The following SLC25A22 variants were observed in gnomAD, a reference collection of about 807,000 sequenced individuals.
SLC25A22 encodes the protein solute carrier family 25 member 22, also known as mitochondrial glutamate carrier 1.
In SLC25A22, 23 loss-of-function variants were observed where a neutral mutation model predicts 33.7. The observed-to-expected ratio is 0.68, with a 90% CI of 0.49 to 0.97. The LOEUF is 0.97. Ranked by LOEUF, SLC25A22 falls within the 50% of genes least tolerant of loss-of-function variation. The pLI is 0.00. For synonymous variants in SLC25A22, 245 were observed against 203.8 expected (o/e 1.20, Z -1.72); for missense variants, 390 against 451.1 (o/e 0.86, Z 1.23).
chr11:798,231 C>G lies in SLC25A22; in HGVS notation c.-178G>C. On this transcript the variant is annotated 5_prime_UTR_variant, in exon 1 of 10. Transcript: ENST00000628067. ...CAGACACTCACCACGCTCGCCGCCGCCGCCGCGCTCGCCTGCCCGCCCCGC... is the reference window on the plus strand; with the variant it reads ...CAGACACTCACCACGCTCGCCGCCGGCGCCGCGCTCGCCTGCCCGCCCCGC... 1 of 394,506 alleles carries G rather than the reference C, an allele frequency of 2.5e-6. No homozygotes were observed. Among genetic ancestry groups the G allele is most frequent in the Non-Finnish European group, 4.5e-6 (1 of 223,620 alleles). The allele number at this position is 394,506 out of a possible 1,614,324, so 24.4% of individuals were successfully genotyped here.
Position 792,543 on chromosome 11 carries a change from T to G in SLC25A22, c.587+10A>C, listed in dbSNP as rs1255403988. The G allele has an allele frequency of 1.9e-6, 3 of 1,612,124 alleles. No homozygotes were observed. ...CCCTTCCCTCCCCCCACCTGCCCTGTGCCTCCTACCTGAGCAGCGTGGCCC... is the reference window on the plus strand; with the variant it reads ...CCCTTCCCTCCCCCCACCTGCCCTGGGCCTCCTACCTGAGCAGCGTGGCCC... On this transcript the variant is annotated intron_variant, in intron 7 of 9. Coordinates refer to ENST00000628067, the MANE Select transcript of SLC25A22 (RefSeq NM_001191061.2).
At chr11:797,254 T>G (rs1590126371) in intron 1 of SLC25A22, among the ~76,000 whole-genome samples, 2 of 152,166 alleles carry the variant, frequency 1.3e-5, no homozygotes, top group South Asian at 4.2e-4. Context: ...GGAGAGGAGC[T>G]TCTGGGTGGA....
Position 792,146 on chromosome 11 carries a change from C to T in SLC25A22, c.814G>A (p.Ala272Thr), listed in dbSNP as rs867652210. ...EDTYSGILDC[A>T]RKILRHEGPS... ...CCCGCCGTGGGACCTCCCCACCTGG[C>T]ACAGTCCAGGATCCCAGAGTAGGTG... Residue 272 changes from alanine to threonine, a missense_variant, in exon 9 of 10, where the codon GCC (alanine) becomes ACC (threonine). Transcript: ENST00000628067. The T allele has an allele frequency of 6.2e-7, 1 of 1,612,504 alleles. No homozygotes were observed. Among genetic ancestry groups the T allele is most frequent in the East Asian group, 2.2e-5 (1 of 44,856 alleles).
In SLC25A22 at chr11:794,976, TG is replaced by T; in HGVS notation, c.20+10del. 6.4e-7 allele frequency: 1 copy of T among 1,560,876 alleles called. No individual in the cohort carries two copies. Among genetic ancestry groups the T allele is most frequent in the Non-Finnish European group, 8.7e-7 (1 of 1,152,612 alleles). ...TGGGGGTGAGGCACGCAGCCAGGAC[TG>T]GAGTCTGACCTGATCTGCTTATCAG... On this transcript the variant is annotated intron_variant, in intron 2 of 9. Coordinates refer to ENST00000628067, the MANE Select transcript of SLC25A22 (RefSeq NM_001191061.2).
In SLC25A22 at chr11:795,049, C is replaced by A. The variant is rs1219735495; in HGVS notation, c.-43G>T. 6.4e-7 allele frequency: 1 copy of A among 1,550,640 alleles called. No homozygotes were observed. On this transcript the variant is annotated 5_prime_UTR_variant, in exon 2 of 10. Transcript: ENST00000628067. The stretch of plus-strand genomic sequence containing the variant: ...AGGTAGGAGCCGCAGAGGTGGACGC[C>A]AGGCCAGGCGGGGTGGAGGTGGAGG...
rs1479088469 is a variant in SLC25A22, at chr11:798,070, G to T, written c.-164+147C>A. On this transcript the variant is annotated intron_variant, in intron 1 of 9. Coordinates refer to ENST00000628067, the MANE Select transcript of SLC25A22 (RefSeq NM_001191061.2). ...AGAGCAGCCGCGGATCGGAGCATCCGCTGGTCCAGGACCCCCCCTCCCGCC... is the reference window on the plus strand; with the variant it reads ...AGAGCAGCCGCGGATCGGAGCATCCTCTGGTCCAGGACCCCCCCTCCCGCC... 15 of 398,294 alleles carry T rather than the reference G, an allele frequency of 3.8e-5. No homozygotes were observed. The East Asian group carries it at 4.6e-4, about 12-fold the overall frequency. 24.7% of individuals were successfully genotyped at this position (398,294 alleles called of 1,614,324 possible).
rs115490180 is a variant in SLC25A22, at chr11:796,050, G to A, written c.-163-881C>T. On this transcript the variant is annotated intron_variant, in intron 1 of 9. Coordinates refer to ENST00000628067, the MANE Select transcript of SLC25A22 (RefSeq NM_001191061.2). ...GCCAGCTGTTTCACCCACCGGCAGC[G>A]CCGTTGCCCAGGGCCACGCGGCTGG... The A allele has an allele frequency of 0.025, 3,817 of 152,344 alleles. 147 individuals are homozygous for A. Among genetic ancestry groups the A allele is most frequent in the African/African-American group, 0.08 (3,337 of 41,482 alleles). The allele number at this position is 152,344 out of a possible 1,614,324, so 9.4% of individuals were successfully genotyped here.
chr11:797,714 T>A lies in SLC25A22; in HGVS notation c.-164+503A>T, dbSNP rs1226345858. ...CTTGGGGCGGTGCTTTCTATCCTGC[T>A]GGCTGGAGGGTCCCGGAAGGGGACT... On this transcript the variant is annotated intron_variant, in intron 1 of 9. Transcript: ENST00000628067. 7 of 398,558 alleles carry A rather than the reference T, an allele frequency of 1.8e-5. No individual in the cohort carries two copies. The East Asian group carries it at 2.1e-4, about 12-fold the overall frequency. 24.7% of individuals were successfully genotyped at this position (398,558 alleles called of 1,614,324 possible).
At chr11:797,623 G>A (rs1864904354) in intron 1 of SLC25A22, 4 of 398,540 alleles carry the variant, frequency 1.0e-5, no homozygotes, top group East Asian at 3.6e-5. Context: ...CCCAAGAAAG[G>A]CAATGGGGGT....
rs1284949476 is a variant in SLC25A22 at position 795,124 on chromosome 11, C to G, written c.-118G>C. 2.3e-6 allele frequency: 3 copies of G among 1,282,486 alleles called. No homozygotes were observed. Among genetic ancestry groups the G allele is most frequent in the African/African-American group, 1.5e-5 (1 of 67,928 alleles). The allele number at this position is 1,282,486 out of a possible 1,614,324, so 79.4% of individuals were successfully genotyped here. On this transcript the variant is annotated 5_prime_UTR_variant, in exon 2 of 10. Transcript: ENST00000628067. ...GGACCCAGGGGGGTTGGGTGGTGCT[C>G]CACCTTCAGGGGAATTTCCAGGCGT...
chr11:793,007 C>T lies in SLC25A22; in HGVS notation c.294-19G>A, dbSNP rs1323982646. 6.8e-6 allele frequency: 11 copies of T among 1,610,542 alleles called. No individual in the cohort carries two copies. The highest frequency in any genetic ancestry group is 1.7e-4 in the Middle Eastern group (1 of 6,052). On this transcript the variant is annotated intron_variant, in intron 5 of 9. Transcript: ENST00000628067. ...CTTCTGCCTGTGGTAGGGGCGGGGC[C>T]GCAGTAAGTGGGAAGAGACAGGTCT...
intron 1 of SLC25A22, 164 bp from the exon 2 acceptor site, chr11:795,333 T>C (rs1163483711): frequency 1.0e-5 from 5 of 478,174 alleles, no homozygotes; most frequent in South Asian, 2.0e-5. Context: ...CCCAGTCCCA[T>C]GCTCACCCCT....
At chr11:793,774 G>C in intron 4 of SLC25A22, 155 bp from the exon 5 acceptor site, 2 of 646,162 alleles carry the variant, frequency 3.1e-6, no homozygotes. Flanking sequence ...TGTGTGCCAG[G>C]TGGGGCGGGG....
chr11:794,766 G>C lies in SLC25A22; in HGVS notation c.146+10C>G. ...TGGGCCCACTCCCCGCGACCGCCCGGCACACTCACATGCTCGTGTACACGC... is the reference window on the plus strand; with the variant it reads ...TGGGCCCACTCCCCGCGACCGCCCGCCACACTCACATGCTCGTGTACACGC... On this transcript the variant is annotated intron_variant, in intron 3 of 9. Transcript: ENST00000628067. 2 of 1,597,308 alleles carry C rather than the reference G, an allele frequency of 1.3e-6. No individual in the cohort carries two copies. The highest frequency in any genetic ancestry group is 1.3e-5 in the African/African-American group (1 of 74,878).
intron 1 of SLC25A22, chr11:797,624 C>T (rs1272490905): frequency 1.0e-5 from 4 of 398,558 alleles, no homozygotes; most frequent in Non-Finnish European, 1.8e-5. Context: ...CCAAGAAAGG[C>T]AATGGGGGTG....
rs756506540 is a variant in SLC25A22 at position 792,604 on chromosome 11, C to T, written c.536G>A (p.Arg179Gln). 64 of 1,608,536 alleles carry T rather than the reference C, an allele frequency of 4.0e-5. No homozygotes were observed. Among genetic ancestry groups the T allele is most frequent in the African/African-American group, 1.2e-4 (9 of 74,778 alleles). The change falls in exon 7 of 10, where the codon CGG (arginine) becomes CAG (glutamine). Residue 179 changes from arginine (R) to glutamine (Q), a missense_variant. Arg to Gln is a conservative substitution (Grantham distance 43). Transcript: ENST00000628067. ...GTAGAGACCGGCAATGCCACGGCTC[C>T]GCAGCAGGTCGCGGGTCAGCTGGGT... ...TATQLTRDLL[R>Q]SRGIAGLYKG...
At chr11:796,562 C>T (rs1435089221) in intron 1 of SLC25A22, among the ~76,000 whole-genome samples, 3 of 152,194 alleles carry the variant, frequency 2.0e-5, no homozygotes, top group African/African-American at 7.2e-5. Context: ...GAGAATGAGG[C>T]TTTCTCCGGG....
Position 795,053 on chromosome 11 carries a change from C to A in SLC25A22, c.-47G>T. 6.5e-7 allele frequency: 1 copy of A among 1,549,632 alleles called. No individual in the cohort carries two copies. The highest frequency in any genetic ancestry group is 8.7e-7 in the Non-Finnish European group (1 of 1,147,630). On this transcript the variant is annotated 5_prime_UTR_variant, in exon 2 of 10. Transcript: ENST00000628067. ...AGGAGCCGCAGAGGTGGACGCCAGGCCAGGCGGGGTGGAGGTGGAGGTGGA... is the reference window on the plus strand; with the variant it reads ...AGGAGCCGCAGAGGTGGACGCCAGGACAGGCGGGGTGGAGGTGGAGGTGGA...
Position 795,165 on chromosome 11 carries a change from C to T in SLC25A22, c.-159G>A, listed in dbSNP as rs1554966277. 7 of 867,356 alleles carry T rather than the reference C, an allele frequency of 8.1e-6. No homozygotes were observed. Among genetic ancestry groups the T allele is most frequent in the East Asian group, 7.9e-5 (3 of 37,948 alleles). The allele number at this position is 867,356 out of a possible 1,614,324, so 53.7% of individuals were successfully genotyped here. A position where few individuals can be genotyped will look rare whatever the true frequency, so the allele number is the denominator to read the frequency against. ...TTCCAGGCGTCAGCAACCGCCACTT[C>T]TGTCCTAGAAGGATGAGGGAATGGG... is the stretch of plus-strand genomic sequence containing the variant. On this transcript the variant is annotated 5_prime_UTR_variant, in exon 2 of 10. Transcript: ENST00000628067.
Sources: gnomAD v4.1 joint callset for allele counts (sites outside exome capture counted in the v4.1 genomes callset) on GRCh38, gnomAD v4.1.1 for gene constraint, MANE v1.5 for transcripts, NCBI Gene and HGNC (gene_info 2026-07-23, HGNC 2026-07-21) for gene names.